CCDC38: variants seen among roughly 807,000 people sequenced by gnomAD.
CCDC38 encodes coiled-coil domain-containing protein 38.
In CCDC38, 69 loss-of-function variants were observed where a neutral mutation model predicts 72.8. The observed-to-expected ratio is 0.95, with a 90% CI of 0.78 to 1.16. The LOEUF is 1.16. Ranked by LOEUF, CCDC38 falls within the 50% of genes most tolerant of loss-of-function variation. The pLI, the probability that CCDC38 is intolerant of heterozygous loss-of-function variation, is 0.00. For missense variants in CCDC38, 626 were observed against 638.9 expected (o/e 0.98, Z 0.22); for synonymous variants, 201 against 213.2 (o/e 0.94, Z 0.50).
chr12:95,941,353 C>A (rs1322951032), intron 1 of CCDC38, among the ~76,000 whole-genome samples: 1 of 152,052 alleles, frequency 6.6e-6, no homozygotes, highest in Non-Finnish European at 1.5e-5. Flanking sequence ...GTAATAATAC[C>A]TATTACTTGT....
At position 95,914,329 on chromosome 12, in the gene CCDC38, C is replaced by T. The variant is rs561717292; in HGVS notation, c.304+2800G>A. Among the ~76,000 whole-genome samples the T allele has an allele frequency of 4.6e-5, 7 of 152,186 alleles. No individual in the cohort carries two copies. In the South Asian group the frequency reaches 1.2e-3, roughly 27 times the overall value. ...ACAGAGAAAGACTCCGTCTCAAAAA[C>T]AAAACAAAACAAAACAGAAATACTT... On this transcript the variant is annotated intron_variant, in intron 4 of 15. Coordinates refer to ENST00000344280, the MANE Select transcript of CCDC38 (RefSeq NM_182496.3).
intron 2 of CCDC38, among the ~76,000 whole-genome samples, chr12:95,935,939 G>A (rs564772501): frequency 3.9e-5 from 6 of 152,136 alleles, no homozygotes; most frequent in South Asian, 2.1e-4. Context: ...TTAGCTGGGC[G>A]TGGTGGTGCA....
At chr12:95,899,967 T>G (rs982182104) in intron 5 of CCDC38, among the ~76,000 whole-genome samples, 5 of 152,124 alleles carry the variant, frequency 3.3e-5, no homozygotes, top group Admixed American at 2.6e-4. Flanking sequence ...AAAGTCTCCC[T>G]GATGTGGTGA....
intron 2 of CCDC38, chr12:95,933,598 A>G (rs2080360615): frequency 6.6e-6 from 1 of 152,222 alleles, no homozygotes; most frequent in Non-Finnish European, 1.5e-5. Context: ...TGATTGGCAC[A>G]ACTACTTTGG....
At chr12:95,903,523 G>A in intron 5 of CCDC38, 1 of 694,208 alleles carries the variant, frequency 1.4e-6, no homozygotes, top group Non-Finnish European at 2.6e-6. Context: ...TTAGTGATAA[G>A]TTTCTAGTAG....
chr12:95,924,977 G>A (rs1220953284), intron 2 of CCDC38, among the ~76,000 whole-genome samples: 1 of 143,656 alleles, frequency 7.0e-6, no homozygotes, highest in Non-Finnish European at 1.5e-5. Flanking sequence ...GTAGTGTGAT[G>A]CCTCCAGCTT....
At chr12:95,915,447 C>T (rs935433741) in intron 4 of CCDC38, among the ~76,000 whole-genome samples, 1 of 152,226 alleles carries the variant, frequency 6.6e-6, no homozygotes, top group African/African-American at 2.4e-5. Context: ...TGGCACTTCT[C>T]TCATGTAGGC....
intron 7 of CCDC38, 43 bp downstream of exon 7, chr12:95,898,342 G>A: frequency 6.3e-7 from 1 of 1,578,362 alleles, no homozygotes; most frequent in Non-Finnish European, 8.7e-7. Context: ...GGTTTTAATG[G>A]GTCGTGGAAA....
intron 8 of CCDC38, among the ~76,000 whole-genome samples, chr12:95,893,799 T>C (rs1173040731): frequency 6.6e-6 from 1 of 151,952 alleles, no homozygotes. Flanking sequence ...TATTTTCTAA[T>C]TAATAAAGTT....
chr12:95,892,854 C>A (rs112266557), intron 8 of CCDC38, among the ~76,000 whole-genome samples: 3,815 of 152,200 alleles, frequency 0.025, 157 homozygotes, highest in African/African-American at 0.087. Flanking sequence ...CAGGCATGAG[C>A]CACCACACCC....
intron 4 of CCDC38, among the ~76,000 whole-genome samples, chr12:95,910,153 C>G (rs1156717500): frequency 1.3e-5 from 2 of 152,118 alleles, no homozygotes. Flanking sequence ...TAAAAAACCC[C>G]AAAGACTCCA....
At chr12:95,932,856 C>T (rs946401889) in intron 2 of CCDC38, among the ~76,000 whole-genome samples, 3 of 152,112 alleles carry the variant, frequency 2.0e-5, no homozygotes, top group Non-Finnish European at 4.4e-5. Context: ...GGAGATTGCT[C>T]TGCTGTGTAT....
intron 14 of CCDC38, among the ~76,000 whole-genome samples, chr12:95,869,978 C>T (rs1490529578): frequency 2.0e-5 from 3 of 152,102 alleles, no homozygotes; most frequent in Non-Finnish European, 4.4e-5. Flanking sequence ...TGCATGCCAC[C>T]ACACCCGGCT....
At chr12:95,895,946 C>T (rs780303542) in intron 7 of CCDC38, among the ~76,000 whole-genome samples, 1 of 150,632 alleles carries the variant, frequency 6.6e-6, no homozygotes, top group African/African-American at 2.4e-5. Flanking sequence ...ATCCCAGCTA[C>T]TCAAGAGGCT....
At chr12:95,911,300 T>C (rs1415380228) in intron 4 of CCDC38, among the ~76,000 whole-genome samples, 1 of 151,812 alleles carries the variant, frequency 6.6e-6, no homozygotes, top group Non-Finnish European at 1.5e-5. Context: ...CAAAAGAAAA[T>C]CTGGGACATA....
chr12:95,916,004 T>C (rs2080139974), intron 4 of CCDC38, among the ~76,000 whole-genome samples: 2 of 152,210 alleles, frequency 1.3e-5, no homozygotes, highest in African/African-American at 4.8e-5. Context: ...TCCTGGGTAT[T>C]TTAAACCAGC....
At chr12:95,870,462 G>C (rs2079569487) in intron 14 of CCDC38, among the ~76,000 whole-genome samples, 1 of 152,192 alleles carries the variant, frequency 6.6e-6, no homozygotes. Flanking sequence ...GAAATAACAT[G>C]TACTGAGCAT....
intron 3 of CCDC38, among the ~76,000 whole-genome samples, chr12:95,918,615 G>A (rs1027460712): frequency 4.6e-5 from 7 of 152,220 alleles, no homozygotes; most frequent in Non-Finnish European, 1.0e-4. Flanking sequence ...AATCAATGAA[G>A]GACAGTGTAC....
At chr12:95,929,502 G>C (rs1385751809) in intron 2 of CCDC38, among the ~76,000 whole-genome samples, 1 of 152,158 alleles carries the variant, frequency 6.6e-6, no homozygotes, top group Admixed American at 6.5e-5. Flanking sequence ...CCTGTCTTCT[G>C]CGTTGCTCAC....
Sources: gnomAD v4.1 joint callset for allele counts (sites outside exome capture counted in the v4.1 genomes callset) on GRCh38, gnomAD v4.1.1 for gene constraint, MANE v1.5 for transcripts, NCBI Gene and HGNC (gene_info 2026-07-23, HGNC 2026-07-21) for gene names.